Variants in DOCK9 observed in about 807,000 individuals in gnomAD.
The protein encoded by DOCK9 is dedicator of cytokinesis 9, also known as dedicator of cytokinesis protein 9.
DOCK9 carries 89 observed loss-of-function variants against 263.3 expected under a neutral mutation model. The observed-to-expected ratio is 0.34, with a 90% CI of 0.28 to 0.40. DOCK9 has a LOEUF of 0.40. Ranked by LOEUF, DOCK9 falls within the 10% of genes least tolerant of loss-of-function variation. The pLI is 1.00. For synonymous variants in DOCK9, 976 were observed against 973.1 expected, an observed-to-expected ratio of 1.00 and a Z score of -0.06; for missense variants, 2,140 against 2,603.4, an observed-to-expected ratio of 0.82 and a Z score of 3.87.
chr13:98,868,399 C>T (rs1227516331), intron 27 of DOCK9, 22 bp from the exon 28 acceptor site: 2 of 1,592,274 alleles, frequency 1.3e-6, no homozygotes, highest in East Asian at 2.3e-5. Context: ...TCAGAGCAAA[C>T]ATTTATTATT....
At chr13:98,864,853 C>T (rs538070854) in intron 30 of DOCK9, among the ~76,000 whole-genome samples, 1 of 152,112 alleles carries the variant, frequency 6.6e-6, no homozygotes, top group Non-Finnish European at 1.5e-5. Flanking sequence ...AGTGAGTTCT[C>T]GCTTTGAGTT....
intron 2 of DOCK9, among the ~76,000 whole-genome samples, chr13:98,934,599 A>T (rs1178259619): frequency 6.6e-6 from 1 of 152,264 alleles, no homozygotes; most frequent in Non-Finnish European, 1.5e-5. Flanking sequence ...AAGTTACAGT[A>T]CTGAAGAATA....
chr13:98,989,636 G>A (rs1212946704), intron 1 of DOCK9, among the ~76,000 whole-genome samples: 1 of 152,150 alleles, frequency 6.6e-6, no homozygotes, highest in African/African-American at 2.4e-5. Flanking sequence ...ACATATGAGG[G>A]TATTTGGCTG....
intron 1 of DOCK9, among the ~76,000 whole-genome samples, chr13:99,042,397 A>G (rs1888546655): frequency 1.3e-5 from 2 of 152,204 alleles, no homozygotes; most frequent in Non-Finnish European, 2.9e-5. Flanking sequence ...CTTCCTGCAC[A>G]TCAGCTGCCT....
intron 1 of DOCK9, among the ~76,000 whole-genome samples, chr13:99,026,208 G>A (rs1466484207): frequency 2.0e-5 from 3 of 152,112 alleles, no homozygotes; most frequent in Non-Finnish European, 1.5e-5. Flanking sequence ...TGACTATGGT[G>A]ATGGATGCAC....
intron 5 of DOCK9, 84 bp downstream of exon 5, chr13:98,923,218 A>C: frequency 1.4e-6 from 2 of 1,380,898 alleles, no homozygotes; most frequent in Non-Finnish European, 2.0e-6. Flanking sequence ...AATGTCGGTA[A>C]TTTTCTAACT....
intron 1 of DOCK9, among the ~76,000 whole-genome samples, chr13:98,969,049 C>T (rs113870210): frequency 6.6e-6 from 1 of 152,114 alleles, no homozygotes; most frequent in Admixed American, 6.5e-5. Flanking sequence ...GTTTCAGGTA[C>T]GGCTGCCAGG....
chr13:98,882,752 T>C (rs1033511505), intron 23 of DOCK9, among the ~76,000 whole-genome samples: 2 of 152,248 alleles, frequency 1.3e-5, no homozygotes, highest in African/African-American at 4.8e-5. Context: ...CCCATCACTG[T>C]GCTCGGTACC....
At chr13:98,947,281 T>C (rs1024747800) in intron 2 of DOCK9, among the ~76,000 whole-genome samples, 1 of 152,118 alleles carries the variant, frequency 6.6e-6, no homozygotes, top group Non-Finnish European at 1.5e-5. Context: ...TCCAAGCACC[T>C]CACAAAGCTG....
chr13:98,814,857 C>T (rs2091671630), intron 45 of DOCK9, among the ~76,000 whole-genome samples: 1 of 151,932 alleles, frequency 6.6e-6, no homozygotes, highest in Non-Finnish European at 1.5e-5. Flanking sequence ...GGGAGAACAA[C>T]TTCAGCCCAG....
chr13:99,052,767 C>CTT (rs538480665), intron 1 of DOCK9, among the ~76,000 whole-genome samples: 13 of 139,372 alleles, frequency 9.3e-5, no homozygotes, highest in Admixed American at 5.8e-4. Context: ...CACCAGCCTT[C>CTT]TTTTTTTTTT....
chr13:99,053,432 GA>G (rs1033557243), intron 1 of DOCK9, among the ~76,000 whole-genome samples: 2 of 151,848 alleles, frequency 1.3e-5, no homozygotes, highest in African/African-American at 4.8e-5. Context: ...ATGCTTCTAA[GA>G]AAAAAACTTA....
At chr13:98,888,337 GA>G in intron 17 of DOCK9, 22 bp downstream of exon 17, 1 of 1,608,676 alleles carries the variant, frequency 6.2e-7, no homozygotes, top group Non-Finnish European at 8.5e-7. Flanking sequence ...CATCAAGAAT[GA>G]AACCTCCATC....
chr13:98,794,839 G>A (rs2089153148), intron 52 of DOCK9, 91 bp from the exon 53 acceptor site: 8 of 1,426,560 alleles, frequency 5.6e-6, no homozygotes, highest in South Asian at 1.3e-5. Flanking sequence ...GTTACCAAGT[G>A]TAACAAAATG....
At chr13:98,882,351 G>A (rs557822754) in intron 23 of DOCK9, among the ~76,000 whole-genome samples, 1 of 152,130 alleles carries the variant, frequency 6.6e-6, no homozygotes, top group African/African-American at 2.4e-5. Flanking sequence ...ATGCTGTGTG[G>A]CTGTCTTTGA....
At chr13:98,843,124 C>A (rs1351241947) in intron 38 of DOCK9, among the ~76,000 whole-genome samples, 1 of 152,074 alleles carries the variant, frequency 6.6e-6, no homozygotes, top group Non-Finnish European at 1.5e-5. Context: ...ACAGAAATAG[C>A]GGAAATGAAC....
chr13:98,863,178 A>G (rs1054597816), intron 31 of DOCK9, 46 bp from the exon 32 acceptor site: 1 of 1,553,086 alleles, frequency 6.4e-7, no homozygotes, highest in African/African-American at 1.4e-5. Flanking sequence ...GATTCTGAGA[A>G]CCGAACTAAG....
At chr13:98,945,205 G>A (rs1232621089) in intron 2 of DOCK9, among the ~76,000 whole-genome samples, 2 of 152,176 alleles carry the variant, frequency 1.3e-5, no homozygotes, top group African/African-American at 2.4e-5. Context: ...CCTTAACTTC[G>A]TATTTCAATT....
intron 20 of DOCK9, 192 bp downstream of exon 20, chr13:98,885,493 TATTCAGGAGGCTGAGGTGGAAGG>T (rs1298619585): frequency 2.0e-6 from 1 of 497,186 alleles, no homozygotes; most frequent in East Asian, 3.9e-5. Context: ...TAGTCCCAGC[TATTCAGGAGGCTGAGGTGGAAGG>T]ACAGCTTGAG....
Sources: allele counts gnomAD v4.1 joint callset (sites outside exome capture counted in the v4.1 genomes callset), GRCh38; gene constraint gnomAD v4.1.1; transcripts MANE v1.5; gene names NCBI Gene and HGNC (gene_info 2026-07-23, HGNC 2026-07-21).